Variants in LRGUK observed in about 807,000 individuals in gnomAD.
The protein encoded by LRGUK is leucine rich repeats and guanylate kinase domain containing.
In LRGUK, 65 loss-of-function variants were observed where a neutral mutation model predicts 76.0. The observed-to-expected ratio is 0.85, with a 90% CI of 0.70 to 1.05. The LOEUF is 1.05. Ranked by LOEUF, LRGUK falls within the 50% of genes least tolerant of loss-of-function variation. The pLI is 0.00. For synonymous variants in LRGUK, 268 were observed against 265.6 expected (o/e 1.01, Z -0.09); for missense variants, 758 against 732.8 (o/e 1.03, Z -0.40).
chr7:134,140,613 C>G (rs1797727594), intron 3 of LRGUK, among the ~76,000 whole-genome samples: 1 of 152,060 alleles, frequency 6.6e-6, no homozygotes, highest in South Asian at 2.1e-4. Context: ...AATCTTTCTG[C>G]TTGCTTCTTT....
At chr7:134,173,351 G>C (rs1170308520) in intron 7 of LRGUK, among the ~76,000 whole-genome samples, 1 of 152,138 alleles carries the variant, frequency 6.6e-6, no homozygotes, top group African/African-American at 2.4e-5. Flanking sequence ...TGTGTATTGT[G>C]GTTGGATAAC....
exon 16 of LRGUK, chr7:134,209,648 C>G (rs998828250): frequency 2.5e-6 from 1 of 399,278 alleles, no homozygotes; most frequent in Non-Finnish European, 4.4e-6. Flanking sequence ...AACAACCTCC[C>G]ATCAAACCAT....
At chr7:134,235,237 T>C (rs751327504) in intron 16 of LRGUK, among the ~76,000 whole-genome samples, 3 of 152,208 alleles carry the variant, frequency 2.0e-5, no homozygotes, top group Non-Finnish European at 4.4e-5. Flanking sequence ...TCTTGTTCCT[T>C]TGGTGTCTCT....
At chr7:134,246,387 G>A (rs756060680) in intron 16 of LRGUK, among the ~76,000 whole-genome samples, 7 of 152,154 alleles carry the variant, frequency 4.6e-5, no homozygotes, top group East Asian at 1.9e-4. Flanking sequence ...TCTTGGCATC[G>A]CTACAGATCA....
chr7:134,221,436 C>A (rs970253000), intron 15 of LRGUK, among the ~76,000 whole-genome samples: 13 of 152,190 alleles, frequency 8.5e-5, no homozygotes, highest in Non-Finnish European at 7.4e-5. Flanking sequence ...GCCTTTTGGA[C>A]TTTCATCAAA....
At chr7:134,243,228 A>G (rs1404375829) in intron 16 of LRGUK, among the ~76,000 whole-genome samples, 1 of 152,154 alleles carries the variant, frequency 6.6e-6, no homozygotes, top group Non-Finnish European at 1.5e-5. Flanking sequence ...AGAAAGAAAT[A>G]AAAGGTATTC....
intron 5 of LRGUK, among the ~76,000 whole-genome samples, chr7:134,149,239 A>T (rs1168508710): frequency 6.6e-6 from 1 of 152,064 alleles, no homozygotes; most frequent in Non-Finnish European, 1.5e-5. Context: ...GGCTAATTGG[A>T]GATCTGTGAG....
At chr7:134,230,374 T>C (rs1459228541) in intron 16 of LRGUK, among the ~76,000 whole-genome samples, 3 of 152,152 alleles carry the variant, frequency 2.0e-5, no homozygotes, top group African/African-American at 7.2e-5. Context: ...CAATGGAAAC[T>C]CTTATAAGAG....
chr7:134,258,034 A>G lies in LRGUK; in HGVS notation c.2199-223A>G, dbSNP rs146717182. On this transcript the variant is annotated intron_variant, in intron 18 of 19. Coordinates refer to the LRGUK transcript ENST00000285928. ...CCATGTCTTGTATAATGGATGAGAC[A>G]TTTATGCTAATGTGTACAGTACCTA... Among the ~76,000 whole-genome samples, 142 of 152,292 alleles carry G rather than the reference A, an allele frequency of 9.3e-4. 1 individual carries two copies. The highest frequency in any genetic ancestry group is 1.6e-3 in the Non-Finnish European group (107 of 68,014).
chr7:134,236,307 G>A (rs1294892894), intron 16 of LRGUK, among the ~76,000 whole-genome samples: 1 of 151,836 alleles, frequency 6.6e-6, no homozygotes, highest in Admixed American at 6.6e-5. Flanking sequence ...ATTCCTTTTT[G>A]GTTTTATTGC....
At chr7:134,189,030 C>A (rs1800090221) in intron 11 of LRGUK, among the ~76,000 whole-genome samples, 1 of 152,100 alleles carries the variant, frequency 6.6e-6, no homozygotes, top group African/African-American at 2.4e-5. Context: ...ATTCCTTTTC[C>A]TCTTGATCAT....
At chr7:134,189,979 G>A (rs568049507) in intron 11 of LRGUK, among the ~76,000 whole-genome samples, 9 of 152,170 alleles carry the variant, frequency 5.9e-5, no homozygotes, top group African/African-American at 9.7e-5. Context: ...ACTTTGCAAC[G>A]AAGAGCCTTT....
At chr7:134,145,240 C>A (rs547345224) in intron 4 of LRGUK, among the ~76,000 whole-genome samples, 106 of 149,778 alleles carry the variant, frequency 7.1e-4, no homozygotes, top group African/African-American at 2.5e-3. Context: ...TGTATGTTTT[C>A]TTTTCTTTTC....
chr7:134,204,426 A>G (rs1800917400), intron 15 of LRGUK, among the ~76,000 whole-genome samples: 1 of 152,222 alleles, frequency 6.6e-6, no homozygotes, highest in Admixed American at 6.5e-5. Flanking sequence ...TTTCAGTTAC[A>G]TTTTATAACT....
At chr7:134,212,762 A>G (rs777313452), downstream of LRGUK, among the ~76,000 whole-genome samples, 1 of 152,232 alleles carries the variant, frequency 6.6e-6, no homozygotes, top group Non-Finnish European at 1.5e-5. Flanking sequence ...GATAAGGGGA[A>G]GTGATGAGGA....
At chr7:134,243,339 G>A (rs200881348) in intron 16 of LRGUK, among the ~76,000 whole-genome samples, 1 of 152,102 alleles carries the variant, frequency 6.6e-6, no homozygotes, top group Non-Finnish European at 1.5e-5. Context: ...TTAAGCTGAT[G>A]AGCAGCTTCA....
intron 1 of LRGUK, among the ~76,000 whole-genome samples, chr7:134,129,469 T>C (rs1797209579): frequency 9.5e-6 from 1 of 105,738 alleles, no homozygotes; most frequent in African/African-American, 3.7e-5. Flanking sequence ...CCTCCTCTCC[T>C]CTTCTCTCCT....
intron 16 of LRGUK, among the ~76,000 whole-genome samples, chr7:134,242,836 C>T (rs1367229879): frequency 6.6e-6 from 1 of 151,982 alleles, no homozygotes; most frequent in African/African-American, 2.4e-5. Context: ...TCAGCAGCAC[C>T]TCATAAAGCT....
chr7:134,261,281 T>TG (rs1802719986), intron 19 of LRGUK, among the ~76,000 whole-genome samples: 1 of 134,888 alleles, frequency 7.4e-6, no homozygotes, highest in Non-Finnish European at 1.6e-5. Context: ...ATCCCATATA[T>TG]GTGAAGTTGA....
Sources: gnomAD v4.1 joint callset for allele counts (sites outside exome capture counted in the v4.1 genomes callset) on GRCh38, gnomAD v4.1.1 for gene constraint, MANE v1.5 for transcripts, NCBI Gene and HGNC (gene_info 2026-07-23, HGNC 2026-07-21) for gene names.